Variants in SPMAP2L observed in about 807,000 individuals in gnomAD.
SPMAP2L encodes sperm microtubule associated protein 2 like.
At chr4:56,586,814 ATTG>A in the SPMAP2L span, among the ~76,000 whole-genome samples, 2 of 152,088 alleles carry the variant, frequency 1.3e-5, no homozygotes, top group African/African-American at 4.8e-5. Context: ...TACTCTGTTT[ATTG>A]TTGTAGTTAC....
the SPMAP2L span, among the ~76,000 whole-genome samples, chr4:56,546,641 T>C: frequency 6.6e-6 from 1 of 152,120 alleles, no homozygotes; most frequent in Non-Finnish European, 1.5e-5. Flanking sequence ...AAATAAAGAG[T>C]GAAAACTTTA....
the SPMAP2L span, among the ~76,000 whole-genome samples, chr4:56,578,439 A>C: frequency 6.6e-6 from 1 of 152,190 alleles, no homozygotes; most frequent in East Asian, 1.9e-4. Flanking sequence ...AAAGGAACAA[A>C]AAATATATAG....
chr4:56,610,252 A>G, the SPMAP2L span, among the ~76,000 whole-genome samples: 1 of 152,122 alleles, frequency 6.6e-6, no homozygotes, highest in Non-Finnish European at 1.5e-5. Context: ...AAATAGGCAC[A>G]TAGTCCAATG....
chr4:56,571,418 T>A, the SPMAP2L span, among the ~76,000 whole-genome samples: 2 of 151,632 alleles, frequency 1.3e-5, no homozygotes, highest in Non-Finnish European at 2.9e-5. Flanking sequence ...GCTCATGCGA[T>A]CCTCCCACCT....
At chr4:56,609,050 CTTTT>C in the SPMAP2L span, among the ~76,000 whole-genome samples, 6 of 115,602 alleles carry the variant, frequency 5.2e-5, no homozygotes, top group African/African-American at 9.4e-5. Context: ...TTCTTTCTTT[CTTTT>C]TTTTTTTTTT....
chr4:56,617,657 G>A, the SPMAP2L span, among the ~76,000 whole-genome samples: 20 of 152,192 alleles, frequency 1.3e-4, no homozygotes, highest in South Asian at 6.2e-4. Flanking sequence ...TTAGTTGTCC[G>A]GACAACATAG....
chr4:56,589,695 G>A, the SPMAP2L span, among the ~76,000 whole-genome samples: 2 of 149,794 alleles, frequency 1.3e-5, no homozygotes, highest in African/African-American at 2.4e-5. Context: ...TGTTGTTGTT[G>A]TTTTGGGTTT....
the SPMAP2L span, chr4:56,594,634 C>A: frequency 7.3e-7 from 1 of 1,366,134 alleles, no homozygotes; most frequent in Non-Finnish European, 1.0e-6. Context: ...CAAGTGCCCA[C>A]ATGGCAGGCA....
the SPMAP2L span, chr4:56,584,617 T>C: frequency 2.0e-6 from 3 of 1,520,166 alleles, no homozygotes; most frequent in Non-Finnish European, 2.6e-6. Context: ...AAAAAGTAAG[T>C]GTGCCCTTGT....
chr4:56,592,941 T>C, the SPMAP2L span: 13 of 1,605,002 alleles, frequency 8.1e-6, no homozygotes, highest in East Asian at 2.2e-5. Flanking sequence ...GAGAAGACGG[T>C]CCCTGCCAAC....
At chr4:56,611,278 A>G in the SPMAP2L span, among the ~76,000 whole-genome samples, 1 of 152,250 alleles carries the variant, frequency 6.6e-6, no homozygotes, top group African/African-American at 2.4e-5. Context: ...GGGATGAATT[A>G]ATGGCATTTG....
chr4:56,559,441 GC>G, the SPMAP2L span: 1 of 1,531,446 alleles, frequency 6.5e-7, no homozygotes, highest in Non-Finnish European at 8.7e-7. Flanking sequence ...TTCCCAGGGT[GC>G]TTTGAAGGCT....
the SPMAP2L span, among the ~76,000 whole-genome samples, chr4:56,549,184 T>C: frequency 6.6e-6 from 1 of 152,054 alleles, no homozygotes. Context: ...AGATGGGGCT[T>C]CACCGTGTTG....
At chr4:56,565,676 A>G in the SPMAP2L span, among the ~76,000 whole-genome samples, 1 of 152,200 alleles carries the variant, frequency 6.6e-6, no homozygotes, top group South Asian at 2.1e-4. Context: ...CCCTCAGGCT[A>G]TATGTATTAG....
chr4:56,558,352 T>C, the SPMAP2L span, among the ~76,000 whole-genome samples: 1 of 152,180 alleles, frequency 6.6e-6, no homozygotes, highest in African/African-American at 2.4e-5. Flanking sequence ...AAGCCAAATA[T>C]CCTGCTTTGT....
the SPMAP2L span, among the ~76,000 whole-genome samples, chr4:56,544,525 G>T: frequency 2.0e-5 from 3 of 152,018 alleles, no homozygotes; most frequent in South Asian, 6.2e-4. Context: ...GCGAAAAAAC[G>T]TAAAAAAAAT....
chr4:56,539,564 G>A, the SPMAP2L span, among the ~76,000 whole-genome samples: 1 of 152,112 alleles, frequency 6.6e-6, no homozygotes, highest in South Asian at 2.1e-4. Context: ...TGGGATTACA[G>A]GCCTGCACCA....
At chr4:56,572,997 C>T in the SPMAP2L span, among the ~76,000 whole-genome samples, 6 of 142,948 alleles carry the variant, frequency 4.2e-5, no homozygotes, top group African/African-American at 1.6e-4. Flanking sequence ...GCCTGGGCGA[C>T]AGAGCAAGAC....
chr4:56,543,895 AGTGTGTGTGT>A, the SPMAP2L span, among the ~76,000 whole-genome samples: 4 of 109,456 alleles, frequency 3.7e-5, no homozygotes, highest in African/African-American at 7.4e-5. Flanking sequence ...AGAGAGAGAG[AGTGTGTGTGT>A]GTGTGTGTGT....
Sources: gnomAD v4.1 joint callset for allele counts (sites outside exome capture counted in the v4.1 genomes callset) on GRCh38, gnomAD v4.1.1 for gene constraint, MANE v1.5 for transcripts, NCBI Gene and HGNC (gene_info 2026-07-23, HGNC 2026-07-21) for gene names.